Variants in ALK observed in about 807,000 individuals in gnomAD.
ALK encodes ALK receptor tyrosine kinase, also known as ALK tyrosine kinase receptor.
A neutral mutation model predicts 163.1 loss-of-function variants in ALK; 74 were observed. The ratio of observed to expected loss-of-function variants is 0.45; its 90% CI spans 0.38 to 0.55. The LOEUF is 0.55. Among genes scored for constraint, ALK ranks in the 20% least tolerant of loss-of-function variants. ALK has a pLI of 0.00. For missense variants in ALK, 2,063 were observed against 2,105.3 expected (o/e 0.98, Z 0.39); for synonymous variants, 960 against 843.2 (o/e 1.14, Z -2.40).
At chr2:29,646,338 A>G (rs1182547822) in intron 3 of ALK, among the ~76,000 whole-genome samples, 1 of 152,056 alleles carries the variant, frequency 6.6e-6, no homozygotes, top group African/African-American at 2.4e-5. Context: ...ATCTGATACA[A>G]GTTGTCTTTT....
At chr2:29,721,881 T>C (rs940532228) in intron 1 of ALK, among the ~76,000 whole-genome samples, 2 of 152,256 alleles carry the variant, frequency 1.3e-5, no homozygotes, top group African/African-American at 4.8e-5. Flanking sequence ...TATTAAAAGA[T>C]TTGTCTTTGC....
chr2:29,209,669 A>G, intron 25 of ALK, 117 bp downstream of exon 25: 1 of 728,080 alleles, frequency 1.4e-6, no homozygotes, highest in South Asian at 1.6e-5. Flanking sequence ...GTGAAATTTT[A>G]GGTAGAAAGT....
chr2:29,675,989 G>A (rs919510196), intron 3 of ALK, among the ~76,000 whole-genome samples: 1 of 152,098 alleles, frequency 6.6e-6, no homozygotes, highest in Non-Finnish European at 1.5e-5. Flanking sequence ...GCCTCCCAAA[G>A]TGTTGGGATT....
intron 3 of ALK, among the ~76,000 whole-genome samples, chr2:29,654,120 T>C (rs1201779865): frequency 6.6e-6 from 1 of 152,190 alleles, no homozygotes; most frequent in Non-Finnish European, 1.5e-5. Context: ...ATACACATTA[T>C]GTCACTGGCA....
chr2:29,223,241 C>T (rs2148170289), intron 20 of ALK, 101 bp downstream of exon 20: 3 of 1,339,296 alleles, frequency 2.2e-6, no homozygotes, highest in Admixed American at 3.8e-5. Flanking sequence ...ATAGGGAGGG[C>T]TCTGCCGGCC....
At chr2:29,842,598 A>C (rs982697659) in intron 1 of ALK, among the ~76,000 whole-genome samples, 1 of 152,244 alleles carries the variant, frequency 6.6e-6, no homozygotes, top group Non-Finnish European at 1.5e-5. Context: ...GACTCTGGAC[A>C]GTTCTCAATT....
intron 1 of ALK, among the ~76,000 whole-genome samples, chr2:29,849,556 T>G (rs902697818): frequency 6.6e-6 from 1 of 152,208 alleles, no homozygotes; most frequent in Non-Finnish European, 1.5e-5. Flanking sequence ...TGGCACCTCA[T>G]AGATTAACAG....
chr2:29,554,010 G>A (rs1391535418), intron 3 of ALK, among the ~76,000 whole-genome samples: 1 of 152,004 alleles, frequency 6.6e-6, no homozygotes, highest in African/African-American at 2.4e-5. Context: ...TTGCCATTTA[G>A]TTTTGTTTTT....
Position 29,743,548 on chromosome 2 carries a change from G to T in ALK, c.668-25851C>A, listed in dbSNP as rs1278630149. ...CCGGATCACTTTCCTTTTGTCATTA[G>T]TGAGCCCCTGAGGACGGATTCCTGT... On this transcript the variant is annotated intron_variant, in intron 1 of 28. Transcript: ENST00000389048. 3.9e-5 allele frequency among the ~76,000 whole-genome samples: 6 copies of T among 152,364 alleles called. No homozygotes were observed. The South Asian group carries it at 6.2e-4, about 16-fold the overall frequency.
At chr2:29,865,934 G>T (rs901075113) in intron 1 of ALK, among the ~76,000 whole-genome samples, 11 of 152,116 alleles carry the variant, frequency 7.2e-5, no homozygotes, top group African/African-American at 2.7e-4. Flanking sequence ...AGACACCAAG[G>T]GTCGCTGGGA....
At chr2:29,845,973 C>T (rs556213806) in intron 1 of ALK, among the ~76,000 whole-genome samples, 1 of 152,342 alleles carries the variant, frequency 6.6e-6, no homozygotes, top group African/African-American at 2.4e-5. Flanking sequence ...AATCCTGCCT[C>T]ATGAAGGAAG....
At chr2:29,443,962 T>G (rs538653283) in intron 4 of ALK, among the ~76,000 whole-genome samples, 1 of 152,342 alleles carries the variant, frequency 6.6e-6, no homozygotes, top group East Asian at 1.9e-4. Context: ...TTTCTTTTCC[T>G]ACTGTTTCTA....
At chr2:29,660,364 C>A (rs1251359213) in intron 3 of ALK, among the ~76,000 whole-genome samples, 2 of 152,136 alleles carry the variant, frequency 1.3e-5, no homozygotes, top group East Asian at 3.9e-4. Context: ...GAACTGGAAA[C>A]AAGAAGAGTT....
chr2:29,284,807 A>C (rs970551694), intron 9 of ALK, among the ~76,000 whole-genome samples: 2 of 152,154 alleles, frequency 1.3e-5, no homozygotes, highest in African/African-American at 2.4e-5. Flanking sequence ...TGAATGTTTG[A>C]TTTCTATATA....
intron 4 of ALK, among the ~76,000 whole-genome samples, chr2:29,396,845 T>TTTTTTTG (rs1558306568): frequency 7.5e-6 from 1 of 133,646 alleles, no homozygotes; most frequent in Non-Finnish European, 1.6e-5. Flanking sequence ...GGTTTTTTTT[T>TTTTTTTG]TTTTTTTTTT....
At chr2:29,763,609 C>T (rs1210608731) in intron 1 of ALK, among the ~76,000 whole-genome samples, 2 of 152,232 alleles carry the variant, frequency 1.3e-5, no homozygotes, top group African/African-American at 4.8e-5. Context: ...TCTTGAGGAG[C>T]TCATGCACCT....
At position 29,580,458 on chromosome 2, in the gene ALK, G is replaced by A. The variant is rs75651103; in HGVS notation, c.953-48342C>T. Among the ~76,000 whole-genome samples, 755 of 152,276 alleles carry A rather than the reference G, an allele frequency of 5.0e-3. 10 individuals are homozygous for A. Among genetic ancestry groups the A allele is most frequent in the African/African-American group, 0.017 (712 of 41,554 alleles). On this transcript the variant is annotated intron_variant, in intron 3 of 28. Coordinates refer to ENST00000389048, the MANE Select transcript of ALK (RefSeq NM_004304.5). ...ATCTGAGCAACCTTATAACCAAAGC[G>A]TAGGATTTCAGGCCCAGCCACAGCA...
intron 4 of ALK, among the ~76,000 whole-genome samples, chr2:29,466,190 C>T (rs1320282411): frequency 6.6e-6 from 1 of 152,160 alleles, no homozygotes; most frequent in Admixed American, 6.6e-5. Context: ...CATCATGTGG[C>T]CTGATTTCTT....
chr2:29,428,835 C>T (rs1176806076), intron 4 of ALK, among the ~76,000 whole-genome samples: 1 of 151,958 alleles, frequency 6.6e-6, no homozygotes. Flanking sequence ...CAATATGTCT[C>T]TTATAGATAT....
Sources: gnomAD v4.1 joint callset for allele counts (sites outside exome capture counted in the v4.1 genomes callset) on GRCh38, gnomAD v4.1.1 for gene constraint, MANE v1.5 for transcripts, NCBI Gene and HGNC (gene_info 2026-07-23, HGNC 2026-07-21) for gene names.